The following FSTL4 variants were observed in gnomAD, a reference collection of about 807,000 sequenced individuals.
FSTL4 encodes the protein follistatin like 4, also known as follistatin-related protein 4.
FSTL4 carries 28 observed loss-of-function variants against 78.2 expected under a neutral mutation model. That is an observed-to-expected ratio of 0.36 (90% CI 0.27 to 0.49). The LOEUF is 0.49. FSTL4 is among the 20% of genes least tolerant of loss of function. The pLI is 0.98. For synonymous variants in FSTL4, 422 were observed against 440.5 expected (o/e 0.96, Z 0.53); for missense variants, 922 against 1,084.9 (o/e 0.85, Z 2.11).
intron 4 of FSTL4, among the ~76,000 whole-genome samples, chr5:133,392,057 C>T (rs1332770176): frequency 6.6e-6 from 1 of 152,148 alleles, no homozygotes; most frequent in Admixed American, 6.5e-5. Context: ...CAGGACAGCA[C>T]CATGGTCAAA....
intron 3 of FSTL4, among the ~76,000 whole-genome samples, chr5:133,421,655 C>A (rs537861942): frequency 2.6e-5 from 4 of 152,224 alleles, no homozygotes; most frequent in Non-Finnish European, 5.9e-5. Flanking sequence ...GAAATGATCT[C>A]TAAGTGCTGC....
intron 3 of FSTL4, among the ~76,000 whole-genome samples, chr5:133,558,387 G>A (rs1013755692): frequency 6.6e-6 from 1 of 152,186 alleles, no homozygotes; most frequent in African/African-American, 2.4e-5. Flanking sequence ...GAAGAACAGG[G>A]TAGGGGCAAT....
chr5:133,349,089 G>C (rs17166627), intron 4 of FSTL4, among the ~76,000 whole-genome samples: 2,808 of 152,220 alleles, frequency 0.018, 37 homozygotes, highest in African/African-American at 0.041. Context: ...CAGACCCCGT[G>C]TCCTCGTGAA....
intron 7 of FSTL4, 151 bp downstream of exon 7, chr5:133,249,259 G>T (rs934269641): frequency 3.0e-5 from 19 of 642,244 alleles, no homozygotes; most frequent in Non-Finnish European, 5.3e-5. Flanking sequence ...TGGATTTTCT[G>T]ATACTGCCAA....
the FSTL4 span, among the ~76,000 whole-genome samples, chr5:133,732,256 A>C: frequency 1.3e-5 from 2 of 152,112 alleles, no homozygotes; most frequent in African/African-American, 4.8e-5. Flanking sequence ...GCAGGTACCA[A>C]CCTGGGCCTG....
chr5:133,571,331 A>G (rs1300369387), intron 2 of FSTL4, among the ~76,000 whole-genome samples: 1 of 152,202 alleles, frequency 6.6e-6, no homozygotes, highest in African/African-American at 2.4e-5. Context: ...GGAAATCTAT[A>G]AAGTGATCCA....
chr5:133,760,836 G>C, the FSTL4 span, among the ~76,000 whole-genome samples: 1 of 152,326 alleles, frequency 6.6e-6, no homozygotes, highest in South Asian at 2.1e-4. Context: ...GCTCAGCCAT[G>C]GTGGCTTGGT....
At chr5:133,442,489 C>T (rs1757181082) in intron 3 of FSTL4, among the ~76,000 whole-genome samples, 1 of 151,872 alleles carries the variant, frequency 6.6e-6, no homozygotes, top group Non-Finnish European at 1.5e-5. Context: ...TGCTTTTTAT[C>T]TACTATTCAT....
chr5:133,744,156 G>C, the FSTL4 span, among the ~76,000 whole-genome samples: 2 of 152,154 alleles, frequency 1.3e-5, no homozygotes, highest in African/African-American at 2.4e-5. Context: ...TTGGGAGGAG[G>C]GAGGGGAGTC....
chr5:133,773,814 C>T, the FSTL4 span, among the ~76,000 whole-genome samples: 1 of 152,158 alleles, frequency 6.6e-6, no homozygotes, highest in Non-Finnish European at 1.5e-5. Flanking sequence ...TTGGAACTGG[C>T]CCCAGGAAGC....
At chr5:133,793,678 G>A in the FSTL4 span, among the ~76,000 whole-genome samples, 1 of 152,138 alleles carries the variant, frequency 6.6e-6, no homozygotes, top group South Asian at 2.1e-4. Context: ...GCTGAACTTT[G>A]CTGAATTGAT....
intron 2 of FSTL4, among the ~76,000 whole-genome samples, chr5:133,574,191 A>G (rs1345932898): frequency 1.3e-5 from 2 of 152,262 alleles, no homozygotes; most frequent in African/African-American, 4.8e-5. Flanking sequence ...AGAAAAATAC[A>G]AATAACCTAA....
At chr5:133,324,428 G>A (rs754335825) in intron 4 of FSTL4, among the ~76,000 whole-genome samples, 46 of 152,306 alleles carry the variant, frequency 3.0e-4, no homozygotes, top group South Asian at 1.0e-3. Context: ...TTGCTGCCCC[G>A]TCCTACTCTC....
At chr5:133,493,906 C>T (rs1488594069) in intron 3 of FSTL4, among the ~76,000 whole-genome samples, 1 of 152,332 alleles carries the variant, frequency 6.6e-6, no homozygotes, top group South Asian at 2.1e-4. Flanking sequence ...TAGCCCCTTT[C>T]TTCAATATTT....
intron 4 of FSTL4, 84 bp from the exon 5 acceptor site, chr5:133,316,736 C>T (rs1323129581): frequency 1.3e-5 from 15 of 1,167,220 alleles, no homozygotes; most frequent in African/African-American, 1.5e-5. Flanking sequence ...ATTCATCTCA[C>T]TCACAAATAG....
chr5:133,449,233 C>T (rs1348385236), intron 3 of FSTL4, among the ~76,000 whole-genome samples: 1 of 152,196 alleles, frequency 6.6e-6, no homozygotes, highest in Non-Finnish European at 1.5e-5. Flanking sequence ...CGCGCCTCAC[C>T]TTGAACCTGC....
rs183133603 is a variant in FSTL4 at position 133,238,507 on chromosome 5, C to G, written c.895-4970G>C. On this transcript the variant is annotated intron_variant, in intron 7 of 15. Coordinates refer to ENST00000265342, the MANE Select transcript of FSTL4 (RefSeq NM_015082.2). ...AGACTTCCCTGGCCCTTATCCAGAC[C>G]AAGCCAGGACCACATGCACATGTGG... Among the ~76,000 whole-genome samples, 269 of 152,342 alleles carry G rather than the reference C, an allele frequency of 1.8e-3. 3 individuals are homozygous for G. Among genetic ancestry groups the G allele is most frequent in the Non-Finnish European group, 3.3e-3 (227 of 68,034 alleles).
At chr5:133,343,258 A>C (rs1295726181) in intron 4 of FSTL4, among the ~76,000 whole-genome samples, 1 of 152,212 alleles carries the variant, frequency 6.6e-6, no homozygotes, top group Non-Finnish European at 1.5e-5. Context: ...GGGAGGGTTG[A>C]CGCTAGCTCT....
At chr5:133,726,573 G>A in the FSTL4 span, among the ~76,000 whole-genome samples, 1 of 152,168 alleles carries the variant, frequency 6.6e-6, no homozygotes, top group African/African-American at 2.4e-5. Context: ...CACAGAGGGG[G>A]TTTTTGTGGC....
Sources: allele counts gnomAD v4.1 joint callset (sites outside exome capture counted in the v4.1 genomes callset), GRCh38; gene constraint gnomAD v4.1.1; transcripts MANE v1.5; gene names NCBI Gene and HGNC (gene_info 2026-07-23, HGNC 2026-07-21).